IMMP2L: variants seen among roughly 807,000 people sequenced by gnomAD.
IMMP2L encodes the protein mitochondrial inner membrane protease subunit 2.
A neutral mutation model predicts 19.3 loss-of-function variants in IMMP2L; 18 were observed. The observed-to-expected ratio is 0.93, with a 90% CI of 0.64 to 1.38. The LOEUF is 1.38. IMMP2L is among the 40% of genes most tolerant of loss of function. The pLI is 0.00. For synonymous variants in IMMP2L, 76 were observed against 73.0 expected (o/e 1.04, Z -0.21); for missense variants, 233 against 218.2 (o/e 1.07, Z -0.43).
At chr7:111,441,257 C>G (rs1338944646) in intron 3 of IMMP2L, among the ~76,000 whole-genome samples, 1 of 151,954 alleles carries the variant, frequency 6.6e-6, no homozygotes, top group African/African-American at 2.4e-5. Flanking sequence ...TTCAGCCTAT[C>G]TAGGCTTTCA....
chr7:111,481,209 C>A (rs1033672642), intron 3 of IMMP2L, among the ~76,000 whole-genome samples: 3 of 152,040 alleles, frequency 2.0e-5, no homozygotes, highest in African/African-American at 7.2e-5. Flanking sequence ...TTTCAGGAAC[C>A]ACTGTATCAG....
intron 3 of IMMP2L, among the ~76,000 whole-genome samples, chr7:111,018,912 G>T (rs1050663388): frequency 4.7e-5 from 7 of 150,424 alleles, no homozygotes; most frequent in Non-Finnish European, 1.0e-4. Flanking sequence ...ACCTACATTT[G>T]CAATGGTTCA....
intron 3 of IMMP2L, among the ~76,000 whole-genome samples, chr7:111,030,227 A>C (rs1430069074): frequency 1.3e-5 from 2 of 152,136 alleles, no homozygotes; most frequent in East Asian, 3.9e-4. Context: ...AATTGTTTTA[A>C]ATATTAGTCA....
intron 3 of IMMP2L, among the ~76,000 whole-genome samples, chr7:110,965,004 CTAAGA>C (rs2129555767): frequency 6.6e-6 from 1 of 152,124 alleles, no homozygotes; most frequent in South Asian, 2.1e-4. Context: ...AACCACACAG[CTAAGA>C]TGCTTCTGGT....
intron 3 of IMMP2L, among the ~76,000 whole-genome samples, chr7:111,071,765 T>A (rs1794974487): frequency 2.0e-5 from 3 of 152,074 alleles, no homozygotes; most frequent in Admixed American, 6.6e-5. Context: ...TGGGTACAGT[T>A]TTTTTTTGGT....
intron 5 of IMMP2L, among the ~76,000 whole-genome samples, chr7:110,883,791 G>C (rs567262085): frequency 6.6e-6 from 1 of 152,050 alleles, no homozygotes; most frequent in South Asian, 2.1e-4. Context: ...TTAGATACTA[G>C]AATTTCACAA....
intron 3 of IMMP2L, chr7:111,411,640 A>C: frequency 3.8e-6 from 1 of 263,726 alleles, no homozygotes; most frequent in South Asian, 4.6e-5. Context: ...CTGAGTGTAA[A>C]TCTGTCCACC....
At chr7:110,909,073 A>C (rs1812770634) in intron 4 of IMMP2L, among the ~76,000 whole-genome samples, 1 of 152,170 alleles carries the variant, frequency 6.6e-6, no homozygotes, top group African/African-American at 2.4e-5. Flanking sequence ...CAGGCAAGGA[A>C]AGCAAAGTTT....
chr7:110,834,298 T>C (rs1804233573), intron 5 of IMMP2L, among the ~76,000 whole-genome samples: 1 of 152,120 alleles, frequency 6.6e-6, no homozygotes, highest in Non-Finnish European at 1.5e-5. Flanking sequence ...CAGCCTGTCA[T>C]GTAAGAAATG....
At chr7:111,199,091 T>C (rs1255249425) in intron 3 of IMMP2L, among the ~76,000 whole-genome samples, 1 of 152,160 alleles carries the variant, frequency 6.6e-6, no homozygotes, top group Non-Finnish European at 1.5e-5. Context: ...GTGTCCATTT[T>C]TTTTTCATTA....
chr7:110,966,083 TAC>T lies in IMMP2L; in HGVS notation c.240-2520_240-2519del, dbSNP rs571812561. Among the ~76,000 whole-genome samples the T allele has an allele frequency of 5.0e-4, 76 of 152,080 alleles. 1 individual carries two copies. The highest frequency in any genetic ancestry group is 1.8e-3 in the African/African-American group (73 of 41,542). ...CCATAGTCCCACTCACATGATAAAATACAGTCATTAAAAATGATGTTATAGAA... is the reference window on the plus strand; with the variant it reads ...CCATAGTCCCACTCACATGATAAAATAGTCATTAAAAATGATGTTATAGAA... On this transcript the variant is annotated intron_variant, in intron 3 of 5. Transcript: ENST00000405709.
At chr7:111,556,018 G>GTATATATATA (rs1554550149) in intron 1 of IMMP2L, among the ~76,000 whole-genome samples, 1,702 of 91,316 alleles carry the variant, frequency 0.019, 201 homozygotes, top group South Asian at 0.035. Flanking sequence ...CTGTGTGCAT[G>GTATATATATA]TATATATATA....
At chr7:110,992,062 T>G (rs1461171433) in intron 3 of IMMP2L, among the ~76,000 whole-genome samples, 2 of 152,144 alleles carry the variant, frequency 1.3e-5, no homozygotes, top group African/African-American at 4.8e-5. Flanking sequence ...TGACCGTATT[T>G]CATGTTTTTC....
chr7:111,521,426 C>G lies in IMMP2L; in HGVS notation c.22G>C (p.Val8Leu). Residue 8 changes from valine (V) to leucine (L), a missense_variant, in exon 2 of 6, where the codon GTG (valine) becomes CTG (leucine). Physicochemically the swap from Val to Leu is conservative, Grantham distance 32. Transcript: ENST00000405709. ...CAAAAGGCCTTGATGTATCTTTTCA[C>G]CCACCCTTGTGACTGTGCCATACCT... is the stretch of plus-strand genomic sequence containing the variant. MAQSQGW[V>L]KRYIKAFCKG... 1 of 1,612,410 alleles carries G rather than the reference C, an allele frequency of 6.2e-7. No individual in the cohort carries two copies. The highest frequency in any genetic ancestry group is 8.5e-7 in the Non-Finnish European group (1 of 1,179,026).
At chr7:110,812,406 A>T (rs187093452) in intron 5 of IMMP2L, among the ~76,000 whole-genome samples, 1 of 152,172 alleles carries the variant, frequency 6.6e-6, no homozygotes, top group Admixed American at 6.5e-5. Flanking sequence ...AGCCAGTGAT[A>T]AAGGGGGAGA....
In IMMP2L at chr7:111,138,693, G is replaced by A. The variant is rs1802579660; in HGVS notation, c.240-175128C>T. 3.9e-5 allele frequency among the ~76,000 whole-genome samples: 6 copies of A among 152,076 alleles called. No homozygotes were observed. In the South Asian group the frequency reaches 1.2e-3, roughly 31 times the overall value. Reference sequence around the variant, plus strand: ...AAAGCTAGAAAAAGATTAGAGATAAGGTCCTGCCAATAGATAATTCTATTT... The same window carrying A: ...AAAGCTAGAAAAAGATTAGAGATAAAGTCCTGCCAATAGATAATTCTATTT... On this transcript the variant is annotated intron_variant, in intron 3 of 5. Coordinates refer to ENST00000405709, the MANE Select transcript of IMMP2L (RefSeq NM_032549.4).
At chr7:111,124,937 A>T (rs755715864) in intron 3 of IMMP2L, 1 of 1,425,384 alleles carries the variant, frequency 7.0e-7, no homozygotes, top group Non-Finnish European at 9.4e-7. Context: ...ATGAACAAAA[A>T]AAAAAAAAGC....
In IMMP2L at chr7:110,751,117, T is replaced by C. The variant is rs189641912; in HGVS notation, c.409-87396A>G. Among the ~76,000 whole-genome samples, 7 of 151,318 alleles carry C rather than the reference T, an allele frequency of 4.6e-5. No homozygotes were observed. In the East Asian group the frequency reaches 1.2e-3, roughly 25 times the overall value. On this transcript the variant is annotated intron_variant, in intron 5 of 5. Coordinates refer to ENST00000405709, the MANE Select transcript of IMMP2L (RefSeq NM_032549.4). The stretch of plus-strand genomic sequence containing the variant: ...AACGAATACTCTCTTGAGAACATAA[T>C]GGGAAAACAACATCCAGAATCTTTC...
rs549866613 is a variant in IMMP2L at position 111,131,996 on chromosome 7, T to C, written c.240-168431A>G. On this transcript the variant is annotated intron_variant, in intron 3 of 5. Transcript: ENST00000405709. Reference sequence around the variant, plus strand: ...TTTTGGAGAGGGAACAATCCATCAATAGTACATTAGATTCATTAATTGTTC... The same window carrying C: ...TTTTGGAGAGGGAACAATCCATCAACAGTACATTAGATTCATTAATTGTTC... Among the ~76,000 whole-genome samples, 28 of 151,964 alleles carry C rather than the reference T, an allele frequency of 1.8e-4. No homozygotes were observed. The South Asian group carries it at 5.8e-3, about 32-fold the overall frequency.
Sources: allele counts gnomAD v4.1 joint callset (sites outside exome capture counted in the v4.1 genomes callset), GRCh38; gene constraint gnomAD v4.1.1; transcripts MANE v1.5; gene names NCBI Gene and HGNC (gene_info 2026-07-23, HGNC 2026-07-21).